NOS1AP: variants seen among roughly 807,000 people sequenced by gnomAD.
The protein encoded by NOS1AP is nitric oxide synthase 1 adaptor protein, also known as carboxyl-terminal PDZ ligand of neuronal nitric oxide synthase protein.
In NOS1AP, 21 loss-of-function variants were observed where a neutral mutation model predicts 56.2. That is an observed-to-expected ratio of 0.37 (90% CI 0.26 to 0.54). The LOEUF is 0.54. Among genes scored for constraint, NOS1AP ranks in the 20% least tolerant of loss-of-function variants. The probability of loss-of-function intolerance (pLI) is 0.84; values close to 1 mark genes in which losing one functional copy is unlikely to be tolerated. For missense variants in NOS1AP, 522 were observed against 657.8 expected, an observed-to-expected ratio of 0.79 and a Z score of 2.26; for synonymous variants, 270 against 274.6, an observed-to-expected ratio of 0.98 and a Z score of 0.17.
At chr1:162,278,664 CGTGTGTGTGTGTGTGTGTGTGTGT>C (rs57058985) in intron 2 of NOS1AP, among the ~76,000 whole-genome samples, 7 of 143,218 alleles carry the variant, frequency 4.9e-5, no homozygotes, top group African/African-American at 1.8e-4. Context: ...ACTCCTTCTA[CGTGTGTGTGTGTGTGTGTGTGTGT>C]GTGTGTGTGT....
At chr1:162,127,127 G>T (rs937754292) in intron 1 of NOS1AP, among the ~76,000 whole-genome samples, 3 of 151,882 alleles carry the variant, frequency 2.0e-5, no homozygotes, top group Admixed American at 2.0e-4. Context: ...TTAAATCAGG[G>T]TTTTGGTCTT....
intron 4 of NOS1AP, among the ~76,000 whole-genome samples, chr1:162,328,653 G>A (rs1266821341): frequency 6.6e-6 from 1 of 152,198 alleles, no homozygotes; most frequent in Non-Finnish European, 1.5e-5. Context: ...AATGACCAGG[G>A]TGTCCCAGCT....
chr1:162,107,915 C>T (rs1045878168), intron 1 of NOS1AP, among the ~76,000 whole-genome samples: 6 of 151,908 alleles, frequency 3.9e-5, no homozygotes, highest in Non-Finnish European at 7.4e-5. Flanking sequence ...GAATAAACAA[C>T]GAATTATATT....
At chr1:162,156,372 G>A (rs923772098) in intron 2 of NOS1AP, among the ~76,000 whole-genome samples, 3 of 152,190 alleles carry the variant, frequency 2.0e-5, no homozygotes, top group African/African-American at 7.2e-5. Flanking sequence ...TGGCCTGAAT[G>A]CATTTCTTCA....
intron 1 of NOS1AP, among the ~76,000 whole-genome samples, chr1:162,112,819 C>T (rs1036700487): frequency 6.6e-6 from 1 of 152,216 alleles, no homozygotes; most frequent in African/African-American, 2.4e-5. Flanking sequence ...ATGCCATAGA[C>T]TGAGTATATT....
At chr1:162,254,885 C>T (rs1653976826) in intron 2 of NOS1AP, among the ~76,000 whole-genome samples, 1 of 152,204 alleles carries the variant, frequency 6.6e-6, no homozygotes, top group South Asian at 2.1e-4. Context: ...TTGGCACTCA[C>T]ACAGCTGGTA....
intron 3 of NOS1AP, among the ~76,000 whole-genome samples, chr1:162,295,356 A>T (rs1170808336): frequency 6.6e-6 from 1 of 152,162 alleles, no homozygotes; most frequent in Non-Finnish European, 1.5e-5. Flanking sequence ...CTTTTTTTTA[A>T]AGGAAAAATA....
chr1:162,094,410 A>C (rs1357510934), intron 1 of NOS1AP, among the ~76,000 whole-genome samples: 2 of 152,124 alleles, frequency 1.3e-5, no homozygotes, highest in Non-Finnish European at 2.9e-5. Flanking sequence ...GCTGAGTCAG[A>C]CTCAGTAAAC....
intron 1 of NOS1AP, among the ~76,000 whole-genome samples, chr1:162,092,461 A>G (rs1284524367): frequency 2.6e-5 from 4 of 152,202 alleles, no homozygotes; most frequent in Admixed American, 6.5e-5. Context: ...GTGATTGTTG[A>G]CATTTCCAAG....
At chr1:162,344,012 G>A (rs775509036) in intron 6 of NOS1AP, 36 bp downstream of exon 6, 1 of 1,612,282 alleles carries the variant, frequency 6.2e-7, no homozygotes, top group Non-Finnish European at 8.5e-7. Flanking sequence ...TGGGTGGGAA[G>A]GCAGTGCACA....
Position 162,367,885 on chromosome 1 carries a change from A to G in NOS1AP, c.*418A>G, listed in dbSNP as rs1658151921. The stretch of plus-strand genomic sequence containing the variant: ...CCGACCAGGAAGGGAAGCCATCGGT[A>G]CCTTCTCAGGTACTTTGTTTCTGGA... On this transcript the variant is annotated 3_prime_UTR_variant, in exon 10 of 10. Transcript: ENST00000361897. This position sits in a 1 kb window ranked among gnomAD's most constrained non-coding sequence, Gnocchi z 6.5. 5.5e-6 allele frequency: 1 copy of G among 182,342 alleles called. No homozygotes were observed. The highest frequency in any genetic ancestry group is 1.4e-4 in the South Asian group (1 of 7,134). 11.3% of individuals were successfully genotyped at this position (182,342 alleles called of 1,614,324 possible).
chr1:162,231,267 GGCC>G lies in NOS1AP; in HGVS notation c.178-56076_178-56074del, dbSNP rs757869124. ...TTGAGCAGCTTTTCATATGCCTCCT[GGCC>G]ATTTGGGTGTCTTCTTTGAAGAAAT... On this transcript the variant is annotated intron_variant, in intron 2 of 9. Transcript: ENST00000361897. Among the ~76,000 whole-genome samples the G allele has an allele frequency of 5.3e-3, 811 of 152,210 alleles. 4 individuals are homozygous for G. The highest frequency in any genetic ancestry group is 8.7e-3 in the Non-Finnish European group (593 of 68,002).
intron 5 of NOS1AP, among the ~76,000 whole-genome samples, chr1:162,343,342 G>T (rs347279): frequency 0.29 from 44,695 of 152,130 alleles, 8,112 homozygotes; most frequent in Non-Finnish European, 0.42. Flanking sequence ...TGTTCCAGAG[G>T]AGCTGGGTGC....
intron 2 of NOS1AP, among the ~76,000 whole-genome samples, chr1:162,237,509 C>G (rs1252208414): frequency 6.6e-6 from 1 of 152,178 alleles, no homozygotes; most frequent in Non-Finnish European, 1.5e-5. Context: ...AAATGATCCC[C>G]TTTTCAGCTC....
chr1:162,208,410 AC>A (rs1474929108), intron 2 of NOS1AP, among the ~76,000 whole-genome samples: 22 of 152,238 alleles, frequency 1.4e-4, no homozygotes, highest in African/African-American at 5.3e-4. Flanking sequence ...AGTTCCTGAC[AC>A]ATACATATCC....
chr1:162,140,778 G>T (rs10918738), intron 1 of NOS1AP, among the ~76,000 whole-genome samples: 31,780 of 151,922 alleles, frequency 0.21, 4,450 homozygotes, highest in South Asian at 0.55. Context: ...ATAGAAGCGC[G>T]CCCTTTTCTC....
chr1:162,126,859 A>G (rs1056651808), intron 1 of NOS1AP, among the ~76,000 whole-genome samples: 3 of 152,188 alleles, frequency 2.0e-5, no homozygotes, highest in Non-Finnish European at 2.9e-5. Context: ...CAACTTTGCT[A>G]TGTATTGCCA....
chr1:162,268,479 T>C (rs577088048), intron 2 of NOS1AP, among the ~76,000 whole-genome samples: 12 of 152,308 alleles, frequency 7.9e-5, no homozygotes, highest in African/African-American at 2.9e-4. Flanking sequence ...AATGAAGCCT[T>C]GTGGGCAACA....
chr1:162,168,573 A>G (rs1650614673), intron 2 of NOS1AP, among the ~76,000 whole-genome samples: 1 of 152,212 alleles, frequency 6.6e-6, no homozygotes, highest in Admixed American at 6.5e-5. Context: ...TTGGAAGGGC[A>G]AAGGCCTAGA....
Sources: allele counts gnomAD v4.1 joint callset (sites outside exome capture counted in the v4.1 genomes callset), GRCh38; gene constraint gnomAD v4.1.1; non-coding constraint Gnocchi (gnomAD v3.1); transcripts MANE v1.5; gene names NCBI Gene and HGNC (gene_info 2026-07-23, HGNC 2026-07-21).